The following FTO variants were observed in gnomAD, a reference collection of about 807,000 sequenced individuals.
The protein encoded by FTO is FTO alpha-ketoglutarate dependent dioxygenase.
Under a neutral mutation model 63.9 loss-of-function variants are expected in FTO, and 47 were observed. The ratio of observed to expected loss-of-function variants is 0.74; its 90% confidence interval spans 0.58 to 0.94. The LOEUF (loss-of-function observed/expected upper bound fraction) is 0.94, where lower values mean the gene tolerates loss of function less well. FTO is among the 40% of genes least tolerant of loss of function. FTO has a pLI of 0.00. For missense variants in FTO, 562 were observed against 618.1 expected, an observed-to-expected ratio of 0.91 and a Z score of 0.96; for synonymous variants, 207 against 224.4, an observed-to-expected ratio of 0.92 and a Z score of 0.69.
intron 7 of FTO, among the ~76,000 whole-genome samples, chr16:53,929,620 C>T (rs113732523): frequency 8.5e-5 from 13 of 152,068 alleles, no homozygotes; most frequent in African/African-American, 2.9e-4. Context: ...ATTGCCAAAC[C>T]GTTTGTCAGA....
chr16:53,820,724 C>T (rs963046537), intron 2 of FTO, among the ~76,000 whole-genome samples: 4 of 150,770 alleles, frequency 2.7e-5, no homozygotes, highest in East Asian at 1.9e-4. Flanking sequence ...TGAGAATATG[C>T]GGTGTTTGGT....
chr16:53,940,343 G>A (rs892606455), intron 8 of FTO, among the ~76,000 whole-genome samples: 14 of 152,182 alleles, frequency 9.2e-5, no homozygotes, highest in African/African-American at 3.1e-4. Flanking sequence ...GTGATAAAGA[G>A]CTCAGAAGCC....
chr16:53,791,468 A>G (rs1357997477), intron 1 of FTO, among the ~76,000 whole-genome samples: 1 of 152,204 alleles, frequency 6.6e-6, no homozygotes, highest in Admixed American at 6.5e-5. Context: ...TTAAAATCCA[A>G]GTAACTCAGT....
At chr16:54,101,031 C>G (rs1417736433) in intron 8 of FTO, among the ~76,000 whole-genome samples, 6 of 152,172 alleles carry the variant, frequency 3.9e-5, no homozygotes, top group Non-Finnish European at 8.8e-5. Flanking sequence ...ATCTCCTCAT[C>G]TTCTGACCTC....
At chr16:53,748,908 T>G (rs1319687409) in intron 1 of FTO, among the ~76,000 whole-genome samples, 1 of 151,560 alleles carries the variant, frequency 6.6e-6, no homozygotes, top group Non-Finnish European at 1.5e-5. Flanking sequence ...GGACTACAGG[T>G]ACATGCCACC....
At chr16:53,712,164 CTTATT>C (rs1272887676) in intron 1 of FTO, among the ~76,000 whole-genome samples, 2 of 152,014 alleles carry the variant, frequency 1.3e-5, no homozygotes, top group African/African-American at 4.8e-5. Context: ...GTATTTTTAC[CTTATT>C]TTATATTTCA....
In FTO at chr16:53,832,119, A is replaced by G. The variant is rs1020960978; in HGVS notation, c.751+5628A>G. ...AATACAGTCCTGTAACTTTTTACCA[A>G]CAAAGAGAGTGGCAGTGTTTCAGCA... On this transcript the variant is annotated intron_variant, in intron 3 of 8. Transcript: ENST00000471389. Among the ~76,000 whole-genome samples, 119 of 152,302 alleles carry G rather than the reference A, an allele frequency of 7.8e-4. 1 individual carries two copies. The highest frequency in any genetic ancestry group is 2.8e-3 in the African/African-American group (117 of 41,578).
At chr16:54,040,021 G>A (rs1429744289) in intron 8 of FTO, 1 of 152,154 alleles carries the variant, frequency 6.6e-6, no homozygotes, top group Non-Finnish European at 1.5e-5. Flanking sequence ...GCTCCTCTCC[G>A]AAGCTGGATT....
chr16:54,021,548 G>C (rs946512491), intron 8 of FTO, among the ~76,000 whole-genome samples: 1 of 152,164 alleles, frequency 6.6e-6, no homozygotes, highest in Non-Finnish European at 1.5e-5. Flanking sequence ...GGAGTGCAGT[G>C]TCGCAATCTC....
intron 1 of FTO, among the ~76,000 whole-genome samples, chr16:53,774,782 G>C (rs16952523): frequency 2.0e-5 from 3 of 151,982 alleles, no homozygotes; most frequent in African/African-American, 7.3e-5. Context: ...TGTCACACTC[G>C]GGAAGGGCTA....
In FTO at chr16:54,041,912, G is replaced by A. The variant is rs141886970; in HGVS notation, c.1365-69850G>A. On this transcript the variant is annotated intron_variant, in intron 8 of 8. Coordinates refer to ENST00000471389, the MANE Select transcript of FTO (RefSeq NM_001080432.3). ...AAAGGAAACCTGCTCGAATAGAAGA[G>A]CACGGGAGAAGATTTATGTCCTGCG... Among the ~76,000 whole-genome samples, 94 of 152,312 alleles carry A rather than the reference G, an allele frequency of 6.2e-4. No individual in the cohort carries two copies. The East Asian group carries it at 0.017, about 28-fold the overall frequency.
At chr16:54,024,789 A>G (rs2084679131) in intron 8 of FTO, among the ~76,000 whole-genome samples, 1 of 152,232 alleles carries the variant, frequency 6.6e-6, no homozygotes, top group Non-Finnish European at 1.5e-5. Context: ...GAAACACTCC[A>G]TAAAGGTAAG....
At chr16:54,061,199 G>A (rs541146713) in intron 8 of FTO, among the ~76,000 whole-genome samples, 4 of 152,272 alleles carry the variant, frequency 2.6e-5, no homozygotes, top group African/African-American at 9.6e-5. Context: ...TTTTATTTCC[G>A]TTTAGCAGTG....
chr16:54,061,927 C>T (rs2085586776), intron 8 of FTO, among the ~76,000 whole-genome samples: 2 of 152,110 alleles, frequency 1.3e-5, no homozygotes, highest in Admixed American at 6.5e-5. Context: ...AATGCCTTAA[C>T]ATGGACTCCT....
At chr16:54,087,369 C>T (rs1029883631) in intron 8 of FTO, among the ~76,000 whole-genome samples, 2 of 152,234 alleles carry the variant, frequency 1.3e-5, no homozygotes, top group East Asian at 1.9e-4. Context: ...CTCTTCCCGT[C>T]GCAAGGCTTC....
At chr16:53,787,110 C>CAAAAAAAAAAAAAA (rs35391915) in intron 1 of FTO, among the ~76,000 whole-genome samples, 3 of 56,172 alleles carry the variant, frequency 5.3e-5, no homozygotes, top group African/African-American at 1.7e-4. Flanking sequence ...GACTCCTTCT[C>CAAAAAAAAAAAAAA]AAAAAAAAAA....
intron 8 of FTO, among the ~76,000 whole-genome samples, chr16:54,007,497 C>T (rs2084236114): frequency 6.6e-6 from 1 of 152,078 alleles, no homozygotes; most frequent in Admixed American, 6.5e-5. Context: ...GAGTACCCAC[C>T]TCCTAAGGTG....
At chr16:53,912,283 T>C (rs2081731085) in intron 7 of FTO, among the ~76,000 whole-genome samples, 1 of 152,220 alleles carries the variant, frequency 6.6e-6, no homozygotes, top group African/African-American at 2.4e-5. Flanking sequence ...GAAGTCCAGA[T>C]ACCTGGGTAA....
At chr16:53,799,545 G>T (rs929318022) in intron 1 of FTO, among the ~76,000 whole-genome samples, 5 of 152,102 alleles carry the variant, frequency 3.3e-5, no homozygotes, top group African/African-American at 1.2e-4. Flanking sequence ...AGGAAGTGGG[G>T]ACTGTGTCTG....
Sources: gnomAD v4.1 joint callset for allele counts (sites outside exome capture counted in the v4.1 genomes callset) on GRCh38, gnomAD v4.1.1 for gene constraint, MANE v1.5 for transcripts, NCBI Gene and HGNC (gene_info 2026-07-23, HGNC 2026-07-21) for gene names.